Variants in LDLRAD4 observed in about 807,000 individuals in gnomAD.
LDLRAD4 encodes the protein low-density lipoprotein receptor class A domain-containing protein 4.
Under a neutral mutation model 17.0 loss-of-function variants are expected in LDLRAD4, and 5 were observed. The ratio of observed to expected loss-of-function variants is 0.29; its 90% CI spans 0.15 to 0.62. The LOEUF (loss-of-function observed/expected upper bound fraction) is 0.62. Among genes scored for constraint, LDLRAD4 ranks in the 20% least tolerant of loss-of-function variants. The probability of loss-of-function intolerance (pLI) is 0.84; values close to 1 mark genes in which losing one functional copy is unlikely to be tolerated. For missense variants in LDLRAD4, 340 were observed against 424.7 expected, an observed-to-expected ratio of 0.80 and a Z score of 1.75; for synonymous variants, 168 against 171.8, an observed-to-expected ratio of 0.98 and a Z score of 0.17.
chr18:13,324,172 C>T (rs1439219867), intron 1 of LDLRAD4, among the ~76,000 whole-genome samples: 1 of 150,380 alleles, frequency 6.6e-6, no homozygotes, highest in Non-Finnish European at 1.5e-5. Context: ...GAGTCTCGCT[C>T]TGTCGCCCAG....
intron 1 of LDLRAD4, among the ~76,000 whole-genome samples, chr18:13,311,061 C>T (rs1196557376): frequency 2.6e-5 from 4 of 152,142 alleles, no homozygotes; most frequent in Admixed American, 1.3e-4. Flanking sequence ...AGGATAAGGG[C>T]AAATAAAAAC....
intron 1 of LDLRAD4, among the ~76,000 whole-genome samples, chr18:13,313,053 C>T (rs558164679): frequency 6.6e-6 from 1 of 152,096 alleles, no homozygotes; most frequent in African/African-American, 2.4e-5. Context: ...GGCTGCTGTG[C>T]GTGCTGTGTG....
intron 4 of LDLRAD4, among the ~76,000 whole-genome samples, chr18:13,624,039 G>A (rs773429511): frequency 1.7e-4 from 26 of 152,178 alleles, no homozygotes; most frequent in Non-Finnish European, 3.7e-4. Context: ...CCTACAGTAC[G>A]CGGGCGGCCC....
intron 1 of LDLRAD4, among the ~76,000 whole-genome samples, chr18:13,290,500 A>G (rs1790773): frequency 1.3e-5 from 2 of 152,014 alleles, no homozygotes; most frequent in African/African-American, 4.8e-5. Context: ...GAAAGTTTCC[A>G]CTAATTTGCT....
chr18:13,514,719 C>T (rs1429131503), intron 3 of LDLRAD4: 1 of 152,234 alleles, frequency 6.6e-6, no homozygotes, highest in Non-Finnish European at 1.5e-5. Flanking sequence ...TGAGCTAATC[C>T]CAGGATCACA....
At chr18:13,303,009 G>T (rs1271032312) in intron 1 of LDLRAD4, among the ~76,000 whole-genome samples, 1 of 152,206 alleles carries the variant, frequency 6.6e-6, no homozygotes, top group Non-Finnish European at 1.5e-5. Context: ...TTTTTAGAAA[G>T]ATTTATTGGG....
chr18:13,413,780 G>T (rs1281352595), intron 2 of LDLRAD4, among the ~76,000 whole-genome samples: 1 of 152,108 alleles, frequency 6.6e-6, no homozygotes, highest in East Asian at 1.9e-4. Flanking sequence ...AGAGAGTATG[G>T]TTGGGCTGGG....
chr18:13,289,377 A>T (rs1415298337), intron 1 of LDLRAD4, among the ~76,000 whole-genome samples: 1 of 152,258 alleles, frequency 6.6e-6, no homozygotes, highest in East Asian at 1.9e-4. Context: ...TAAAGGGAGT[A>T]AAAGCATTTT....
chr18:13,370,714 T>TTTTTTTTTTTTTTTTG lies in LDLRAD4; in HGVS notation c.-382-16613_-382-16612insTGTTTTTTTTTTTTTT, dbSNP rs1555663222. Among the ~76,000 whole-genome samples, 26 of 29,240 alleles carry TTTTTTTTTTTTTTTTG rather than the reference T, an allele frequency of 8.9e-4. No homozygotes were observed. The East Asian group carries it at 0.01, about 11-fold the overall frequency. 19.2% of individuals were successfully genotyped at this position (29,240 alleles called of 152,430 possible). On this transcript the variant is annotated intron_variant, in intron 1 of 5. Coordinates refer to ENST00000359446, the Ensembl canonical transcript of LDLRAD4. ...GTCTCTTTCATGGTTTTTTGTTTTGTTTTTTTTTTTTTTTGAGATGGATTC... is the reference window on the plus strand; with the variant it reads ...GTCTCTTTCATGGTTTTTTGTTTTGTTTTTTTTTTTTTTTTGTTTTTTTTTTTTTTGAGATGGATTC...
At chr18:13,344,756 A>C (rs1000848373) in intron 1 of LDLRAD4, among the ~76,000 whole-genome samples, 41 of 152,024 alleles carry the variant, frequency 2.7e-4, no homozygotes, top group African/African-American at 9.4e-4. Flanking sequence ...CTTTTATTTC[A>C]TTGAGCAGTG....
At chr18:13,533,601 A>G (rs1272919547) in intron 3 of LDLRAD4, among the ~76,000 whole-genome samples, 3 of 152,196 alleles carry the variant, frequency 2.0e-5, no homozygotes, top group African/African-American at 4.8e-5. Context: ...CCAGTTGCCC[A>G]TTACCATGGA....
chr18:13,503,311 C>T (rs554632731), intron 3 of LDLRAD4, among the ~76,000 whole-genome samples: 2 of 152,318 alleles, frequency 1.3e-5, no homozygotes, highest in South Asian at 2.1e-4. Context: ...TTCTGCGCAG[C>T]CTTTGAAAAT....
chr18:13,331,552 A>G (rs1301403977), intron 1 of LDLRAD4, among the ~76,000 whole-genome samples: 2 of 152,230 alleles, frequency 1.3e-5, no homozygotes, highest in Admixed American at 6.5e-5. Context: ...GGAAGTATTC[A>G]TGTTTTCTTC....
chr18:13,325,662 G>A (rs530170086), intron 1 of LDLRAD4, among the ~76,000 whole-genome samples: 2 of 152,286 alleles, frequency 1.3e-5, no homozygotes, highest in African/African-American at 2.4e-5. Context: ...ACTCAGCTTC[G>A]CTGCGCACCC....
intron 3 of LDLRAD4, among the ~76,000 whole-genome samples, chr18:13,586,265 G>A (rs1308791688): frequency 1.3e-5 from 2 of 151,084 alleles, no homozygotes; most frequent in East Asian, 1.9e-4. Context: ...AAAATTAGCC[G>A]GGCGTGGTGG....
chr18:13,494,907 A>C (rs548027433), intron 3 of LDLRAD4, among the ~76,000 whole-genome samples: 15 of 151,450 alleles, frequency 9.9e-5, no homozygotes, highest in African/African-American at 2.7e-4. Flanking sequence ...CTGTTGTTAC[A>C]CTAGTGAGAG....
rs553578951 is a variant in LDLRAD4 at position 13,398,579 on chromosome 18, C to T, written c.40+10817C>T. On this transcript the variant is annotated intron_variant, in intron 2 of 5. Coordinates refer to ENST00000359446, the Ensembl canonical transcript of LDLRAD4. This position sits in a 1 kb window ranked among gnomAD's most constrained non-coding sequence, Gnocchi z 4.8. ...AGTGGGAATGACTGTGGGTGGGTAACGAGGGTCTCAGTTTTGGCTTAAGGA... is the reference window on the plus strand; with the variant it reads ...AGTGGGAATGACTGTGGGTGGGTAATGAGGGTCTCAGTTTTGGCTTAAGGA... Among the ~76,000 whole-genome samples the T allele has an allele frequency of 4.6e-5, 7 of 152,144 alleles. No homozygotes were observed. The highest frequency in any genetic ancestry group is 4.2e-4 in the South Asian group (2 of 4,796).
chr18:13,400,324 G>A (rs181740915), intron 2 of LDLRAD4, among the ~76,000 whole-genome samples: 103 of 152,268 alleles, frequency 6.8e-4, no homozygotes, highest in African/African-American at 2.3e-3. Flanking sequence ...AAAGTGCCAC[G>A]GGGTCTTTGA....
At chr18:13,370,713 G>GT (rs781268070) in intron 1 of LDLRAD4, among the ~76,000 whole-genome samples, 69 of 17,236 alleles carry the variant, frequency 4.0e-3, no homozygotes, top group South Asian at 0.011. Flanking sequence ...TTTTTGTTTT[G>GT]TTTTTTTTTT....
Sources: gnomAD v4.1 joint callset for allele counts (sites outside exome capture counted in the v4.1 genomes callset) on GRCh38, gnomAD v4.1.1 for gene constraint, Gnocchi (gnomAD v3.1) non-coding constraint, MANE v1.5 for transcripts, NCBI Gene and HGNC (gene_info 2026-07-23, HGNC 2026-07-21) for gene names.